KIDINS220: variants seen among roughly 807,000 people sequenced by gnomAD.
KIDINS220 encodes kinase D-interacting substrate of 220 kDa.
Under a neutral mutation model 157.6 loss-of-function variants are expected in KIDINS220, and 63 were observed. The observed-to-expected ratio is 0.40, with a 90% CI of 0.33 to 0.49. The LOEUF (loss-of-function observed/expected upper bound fraction) is 0.49. KIDINS220 is among the 20% of genes least tolerant of loss of function. The pLI is 0.66. For missense variants in KIDINS220, 1,772 were observed against 2,171.2 expected, an observed-to-expected ratio of 0.82 and a Z score of 3.65; for synonymous variants, 732 against 783.6, an observed-to-expected ratio of 0.93 and a Z score of 1.10.
intron 22 of KIDINS220, among the ~76,000 whole-genome samples, chr2:8,761,938 CT>C (rs1188340423): frequency 6.6e-6 from 1 of 152,064 alleles, no homozygotes; most frequent in Admixed American, 6.5e-5. Context: ...AATCACAAAC[CT>C]TTACTGGAAA....
At chr2:8,816,161 T>C (rs1486625121) in intron 4 of KIDINS220, among the ~76,000 whole-genome samples, 1 of 152,244 alleles carries the variant, frequency 6.6e-6, no homozygotes, top group Non-Finnish European at 1.5e-5. Flanking sequence ...GTCATCACTT[T>C]GAAGAAATAG....
chr2:8,826,264 C>T (rs1001114170), intron 2 of KIDINS220, among the ~76,000 whole-genome samples: 2 of 152,014 alleles, frequency 1.3e-5, no homozygotes, highest in East Asian at 3.9e-4. Context: ...TTTTAATAAT[C>T]CCAAAGTGTG....
intron 22 of KIDINS220, chr2:8,757,625 C>T: frequency 6.2e-7 from 1 of 1,606,128 alleles, no homozygotes; most frequent in Non-Finnish European, 8.5e-7. Context: ...GGCAGATAAC[C>T]CAAGTGAATG....
intron 1 of KIDINS220, among the ~76,000 whole-genome samples, chr2:8,828,419 T>C (rs1035532494): frequency 6.6e-6 from 1 of 152,142 alleles, no homozygotes; most frequent in South Asian, 2.1e-4. Flanking sequence ...CTTGCCACCA[T>C]CCAAAAAATG....
At chr2:8,830,278 T>C (rs1323748432) in intron 1 of KIDINS220, among the ~76,000 whole-genome samples, 4 of 152,214 alleles carry the variant, frequency 2.6e-5, no homozygotes, top group Non-Finnish European at 4.4e-5. Context: ...ATAACCACAC[T>C]ACAGGAAGAG....
At chr2:8,791,629 T>C (rs1673207861) in intron 12 of KIDINS220, among the ~76,000 whole-genome samples, 1 of 152,172 alleles carries the variant, frequency 6.6e-6, no homozygotes, top group Non-Finnish European at 1.5e-5. Context: ...GGGAACATTG[T>C]GCATTTTAGA....
intron 27 of KIDINS220, among the ~76,000 whole-genome samples, chr2:8,735,480 C>T (rs1049936603): frequency 6.6e-6 from 1 of 152,100 alleles, no homozygotes; most frequent in Non-Finnish European, 1.5e-5. Flanking sequence ...TTGCAGTGAG[C>T]CATGGCCACG....
chr2:8,835,483 A>G (rs1680266783), intron 1 of KIDINS220, among the ~76,000 whole-genome samples: 1 of 152,110 alleles, frequency 6.6e-6, no homozygotes, highest in Non-Finnish European at 1.5e-5. Context: ...CACACATAAA[A>G]TGATACAGTT....
At chr2:8,837,369 C>A (rs1167200075) in intron 1 of KIDINS220, 111 bp downstream of exon 1, 4 of 152,242 alleles carry the variant, frequency 2.6e-5, no homozygotes, top group Non-Finnish European at 5.9e-5. Flanking sequence ...GCGCACTCCT[C>A]GGCTGTCCCA....
intron 26 of KIDINS220, chr2:8,746,841 T>G: frequency 3.3e-6 from 1 of 302,924 alleles, no homozygotes; most frequent in South Asian, 6.8e-5. Context: ...GAGGAGCAAA[T>G]ACTACCAACG....
intron 29 of KIDINS220, among the ~76,000 whole-genome samples, chr2:8,732,874 G>C (rs1049295344): frequency 6.6e-6 from 1 of 151,896 alleles, no homozygotes; most frequent in Non-Finnish European, 1.5e-5. Flanking sequence ...CCTCACTCCC[G>C]CTACTCCTCC....
At chr2:8,800,861 C>T (rs956262093) in intron 8 of KIDINS220, among the ~76,000 whole-genome samples, 25 of 152,208 alleles carry the variant, frequency 1.6e-4, no homozygotes, top group Admixed American at 3.3e-4. Context: ...ATTTTAAAAT[C>T]ATATAGTAAA....
chr2:8,807,587 G>A (rs1344549144), intron 6 of KIDINS220, among the ~76,000 whole-genome samples: 2 of 152,082 alleles, frequency 1.3e-5, no homozygotes, highest in African/African-American at 4.8e-5. Flanking sequence ...TGTGCTAGTG[G>A]CTACTGTACT....
chr2:8,832,542 A>T (rs1679800713), intron 1 of KIDINS220, among the ~76,000 whole-genome samples: 2 of 152,232 alleles, frequency 1.3e-5, no homozygotes, highest in Admixed American at 6.5e-5. Context: ...AACAAAAAGA[A>T]AAGTGTGGAA....
rs1663867449 is a variant in KIDINS220, at chr2:8,730,345, C to G, written c.*375G>C. The G allele has an allele frequency of 9.9e-7, 1 of 1,014,536 alleles. No individual in the cohort carries two copies. Among genetic ancestry groups the G allele is most frequent in the South Asian group, 4.3e-5 (1 of 23,132 alleles). The allele number at this position is 1,014,536 out of a possible 1,614,324, so 62.8% of individuals were successfully genotyped here. On this transcript the variant is annotated 3_prime_UTR_variant, in exon 30 of 30. Transcript: ENST00000256707. The stretch of plus-strand genomic sequence containing the variant: ...CGTCTTCCCTCAAATGTGTGGTCAC[C>G]AAATGTTTGCAAAAAGGGTCTCTAG...
rs573430330 is a variant in KIDINS220, at chr2:8,750,923, A to T, written c.3190+543T>A. ...GTCATACAAAAGACTGTTTCAATGAAGGTTTTATGTGTGTGCACGTGCACA... is the reference window on the plus strand; with the variant it reads ...GTCATACAAAAGACTGTTTCAATGATGGTTTTATGTGTGTGCACGTGCACA... On this transcript the variant is annotated intron_variant, in intron 23 of 29. Transcript: ENST00000256707. Among the ~76,000 whole-genome samples the T allele has an allele frequency of 7.2e-5, 11 of 152,334 alleles. No individual in the cohort carries two copies. The South Asian group carries it at 2.1e-3, about 29-fold the overall frequency.
At chr2:8,809,493 T>C (rs1675984257) in intron 6 of KIDINS220, among the ~76,000 whole-genome samples, 1 of 151,422 alleles carries the variant, frequency 6.6e-6, no homozygotes, top group Non-Finnish European at 1.5e-5. Flanking sequence ...TAAATAATTA[T>C]GTATTATAAT....
chr2:8,774,707 G>A (rs1670729839), intron 21 of KIDINS220, among the ~76,000 whole-genome samples: 1 of 152,198 alleles, frequency 6.6e-6, no homozygotes, highest in African/African-American at 2.4e-5. Context: ...GATGGAGGAG[G>A]AGAATGGTGG....
At chr2:8,818,201 A>G (rs1198960629) in intron 3 of KIDINS220, among the ~76,000 whole-genome samples, 1 of 152,190 alleles carries the variant, frequency 6.6e-6, no homozygotes, top group Non-Finnish European at 1.5e-5. Flanking sequence ...AATTCAAATG[A>G]TCATTCAATT....
Sources: allele counts gnomAD v4.1 joint callset (sites outside exome capture counted in the v4.1 genomes callset), GRCh38; gene constraint gnomAD v4.1.1; transcripts MANE v1.5; gene names NCBI Gene and HGNC (gene_info 2026-07-23, HGNC 2026-07-21).